The following VMP1 variants were observed in gnomAD, a reference collection of about 807,000 sequenced individuals.
VMP1 encodes ectopic P-granules autophagy protein 3 homolog.
Under a neutral mutation model 56.0 loss-of-function variants are expected in VMP1, and 11 were observed. That is an observed-to-expected ratio of 0.20 (90% CI 0.12 to 0.32). VMP1 has a LOEUF of 0.32. VMP1 is among the 10% of genes least tolerant of loss of function. VMP1 has a pLI of 1.00. For missense variants in VMP1, 296 were observed against 490.3 expected (o/e 0.60, Z 3.74); for synonymous variants, 149 against 165.0 (o/e 0.90, Z 0.74).
chr17:59,784,100 A>AGTGTGTGTGTGTGTGT (rs536985526), intron 7 of VMP1, among the ~76,000 whole-genome samples: 1 of 139,108 alleles, frequency 7.2e-6, no homozygotes, highest in African/African-American at 2.7e-5. Context: ...CATCAAAAAG[A>AGTGTGTGTGTGTGTGT]GTGTGTGTGT....
chr17:59,757,442 A>G (rs561726719), intron 5 of VMP1, among the ~76,000 whole-genome samples: 103 of 152,288 alleles, frequency 6.8e-4, no homozygotes, highest in Non-Finnish European at 1.2e-3. Flanking sequence ...TCTAATCACT[A>G]AAACTTTTCT....
chr17:59,743,581 T>C (rs1042113636), intron 5 of VMP1, among the ~76,000 whole-genome samples: 7 of 147,362 alleles, frequency 4.8e-5, no homozygotes, highest in Non-Finnish European at 7.5e-5. Flanking sequence ...TCTCTCTCTC[T>C]ATATATATAT....
At chr17:59,768,451 AAC>A (rs1480867099) in intron 6 of VMP1, among the ~76,000 whole-genome samples, 2 of 151,614 alleles carry the variant, frequency 1.3e-5, no homozygotes, top group African/African-American at 4.8e-5. Flanking sequence ...GAAAATATAA[AAC>A]TTAGCTGGGC....
chr17:59,786,775 T>C (rs893965282), intron 7 of VMP1, among the ~76,000 whole-genome samples: 19 of 152,340 alleles, frequency 1.2e-4, no homozygotes, highest in African/African-American at 4.1e-4. Flanking sequence ...GTAACTGTTA[T>C]GGTTTGTGTT....
intron 10 of VMP1, among the ~76,000 whole-genome samples, chr17:59,829,106 A>T (rs2144312970): frequency 6.6e-6 from 1 of 152,238 alleles, no homozygotes; most frequent in Non-Finnish European, 1.5e-5. Flanking sequence ...ATAGAGCCAG[A>T]CTCCGTCTCC....
intron 7 of VMP1, among the ~76,000 whole-genome samples, chr17:59,788,654 A>G (rs1163372836): frequency 6.6e-6 from 1 of 151,920 alleles, no homozygotes; most frequent in Non-Finnish European, 1.5e-5. Context: ...AAACTACAAA[A>G]AAATTAGCTG....
chr17:59,786,197 A>G (rs1380943100), intron 7 of VMP1, among the ~76,000 whole-genome samples: 1 of 152,224 alleles, frequency 6.6e-6, no homozygotes, highest in Non-Finnish European at 1.5e-5. Flanking sequence ...TATCTAGCGA[A>G]CATCCCTTTT....
chr17:59,817,577 A>C, intron 9 of VMP1, 135 bp from the exon 10 acceptor site: 1 of 558,606 alleles, frequency 1.8e-6, no homozygotes, highest in Non-Finnish European at 3.2e-6. Flanking sequence ...GAAATGTTAT[A>C]TTTTATTTTT....
At chr17:59,794,239 T>TTTTTTTTAACGAAAA in intron 7 of VMP1, among the ~76,000 whole-genome samples, 1 of 107,616 alleles carries the variant, frequency 9.3e-6, no homozygotes, top group East Asian at 2.7e-4. Flanking sequence ...TTTTTTTTTT[T>TTTTTTTTAACGAAAA]TGAGACAGAG....
intron 8 of VMP1, among the ~76,000 whole-genome samples, chr17:59,809,599 C>T (rs1443998116): frequency 2.1e-5 from 3 of 141,190 alleles, no homozygotes; most frequent in African/African-American, 5.4e-5. Flanking sequence ...CTCCGCCTCC[C>T]GGGTTCACGC....
At chr17:59,709,545 G>T (rs1374731375) in intron 1 of VMP1, among the ~76,000 whole-genome samples, 1 of 152,144 alleles carries the variant, frequency 6.6e-6, no homozygotes, top group African/African-American at 2.4e-5. Context: ...TATTAAATAT[G>T]AAAATATGGT....
At chr17:59,832,968 A>C (rs549656617) in intron 10 of VMP1, among the ~76,000 whole-genome samples, 1 of 151,992 alleles carries the variant, frequency 6.6e-6, no homozygotes, top group Non-Finnish European at 1.5e-5. Flanking sequence ...GGACTTCCCC[A>C]ACTTAACTAT....
chr17:59,807,832 CAAAAAAAAAAA>C (rs543862899), intron 7 of VMP1, among the ~76,000 whole-genome samples: 15 of 85,688 alleles, frequency 1.8e-4, no homozygotes, highest in Non-Finnish European at 3.2e-4. Flanking sequence ...AACTCCGTCT[CAAAAAAAAAAA>C]AAAAAAAAGA....
At chr17:59,712,727 G>T (rs943206210) in intron 1 of VMP1, among the ~76,000 whole-genome samples, 2 of 152,192 alleles carry the variant, frequency 1.3e-5, no homozygotes, top group Non-Finnish European at 2.9e-5. Context: ...CAGGATCCAG[G>T]TCATGCAGAA....
intron 7 of VMP1, among the ~76,000 whole-genome samples, chr17:59,793,476 T>C (rs2037312539): frequency 8.5e-6 from 1 of 117,412 alleles, no homozygotes; most frequent in African/African-American, 2.6e-5. Context: ...TCCCTGAGTG[T>C]CTAGAGCACT....
chr17:59,736,612 C>T (rs554233104), intron 3 of VMP1, among the ~76,000 whole-genome samples: 7 of 151,740 alleles, frequency 4.6e-5, no homozygotes, highest in Non-Finnish European at 8.8e-5. Flanking sequence ...GGCATGGTGG[C>T]GTGCGCCTGT....
intron 5 of VMP1, among the ~76,000 whole-genome samples, chr17:59,752,376 G>A (rs967512061): frequency 1.3e-5 from 2 of 152,106 alleles, no homozygotes; most frequent in African/African-American, 4.8e-5. Flanking sequence ...AGTGAGCCTG[G>A]GAGCCTTAAT....
intron 7 of VMP1, among the ~76,000 whole-genome samples, chr17:59,803,765 ATT>A (rs897561371): frequency 6.6e-6 from 1 of 152,160 alleles, no homozygotes; most frequent in African/African-American, 2.4e-5. Flanking sequence ...TGAAATATTA[ATT>A]TTTTTAACTT....
chr17:59,726,989 A>T (rs566155838), intron 1 of VMP1, among the ~76,000 whole-genome samples: 1 of 152,302 alleles, frequency 6.6e-6, no homozygotes, highest in South Asian at 2.1e-4. Context: ...GTGAAAGGTG[A>T]GGCAATATGT....
Sources: allele counts gnomAD v4.1 joint callset (sites outside exome capture counted in the v4.1 genomes callset), GRCh38; gene constraint gnomAD v4.1.1; transcripts MANE v1.5; gene names NCBI Gene and HGNC (gene_info 2026-07-23, HGNC 2026-07-21).